EFHB: variants seen among roughly 807,000 people sequenced by gnomAD.
EFHB encodes EF-hand domain-containing family member B.
A neutral mutation model predicts 87.2 loss-of-function variants in EFHB; 91 were observed. The ratio of observed to expected loss-of-function variants is 1.04; its 90% confidence interval spans 0.88 to 1.24. The LOEUF is 1.24. Among genes scored for constraint, EFHB ranks in the 50% most tolerant of loss-of-function variants. The pLI is 0.00. For missense variants in EFHB, 1,084 were observed against 998.8 expected, an observed-to-expected ratio of 1.09 and a Z score of -1.15; for synonymous variants, 325 against 333.6, an observed-to-expected ratio of 0.97 and a Z score of 0.28.
In EFHB at chr3:19,933,443, C is replaced by T; in HGVS notation, c.576G>A (p.Val192=). 2 of 1,614,000 alleles carry T rather than the reference C, an allele frequency of 1.2e-6. No individual in the cohort carries two copies. The highest frequency in any genetic ancestry group is 1.7e-6 in the Non-Finnish European group (2 of 1,179,888). The change falls in exon 1 of 13, where the codon GTG becomes GTA. Residue 192 remains valine (V), a synonymous_variant. Coordinates refer to ENST00000295824, the MANE Select transcript of EFHB (RefSeq NM_144715.4). ...PNTEIKLPVE[V]DIGLTQAEGP... is the part of the protein sequence containing the mutation. ...CCTCGGCTTGGGTTAGTCCAATGTC[C>T]ACCTCCACAGGAAGCTTAATCTCTG... is the stretch of plus-strand genomic sequence containing the variant.
intron 9 of EFHB, among the ~76,000 whole-genome samples, chr3:19,895,148 ATAAT>A (rs1694437562): frequency 6.6e-6 from 1 of 150,692 alleles, no homozygotes; most frequent in African/African-American, 2.4e-5. Flanking sequence ...TCAGCATTAA[ATAAT>A]TCTCAGTAAT....
chr3:19,937,906 T>G (rs910082965), upstream of EFHB, among the ~76,000 whole-genome samples: 1 of 152,184 alleles, frequency 6.6e-6, no homozygotes, highest in African/African-American at 2.4e-5. Context: ...TGTCTCCTCC[T>G]CCCCTGAAGA....
chr3:19,945,694 T>C (rs1362902209), intron 1 of EFHB, among the ~76,000 whole-genome samples: 1 of 152,236 alleles, frequency 6.6e-6, no homozygotes, highest in African/African-American at 2.4e-5. Flanking sequence ...CCATGATTAA[T>C]AGTTCATATT....
chr3:19,894,075 T>C (rs1354930596), intron 9 of EFHB, among the ~76,000 whole-genome samples: 2 of 152,232 alleles, frequency 1.3e-5, no homozygotes, highest in Non-Finnish European at 2.9e-5. Flanking sequence ...TGTCATGAAT[T>C]ACATAGTCTA....
At chr3:19,905,889 AT>A (rs1246845006) in intron 5 of EFHB, 140 bp from the exon 6 acceptor site, 16 of 1,030,618 alleles carry the variant, frequency 1.6e-5, no homozygotes, top group Middle Eastern at 2.9e-4. Context: ...AACTGCACAG[AT>A]TTAGCTACAG....
At chr3:19,907,466 G>T (rs80260195) in intron 5 of EFHB, among the ~76,000 whole-genome samples, 1 of 152,158 alleles carries the variant, frequency 6.6e-6, no homozygotes, top group African/African-American at 2.4e-5. Context: ...ATCAAGGGAG[G>T]TATGGCAATG....
At chr3:19,925,824 A>G (rs1182746058) in intron 1 of EFHB, among the ~76,000 whole-genome samples, 2 of 152,120 alleles carry the variant, frequency 1.3e-5, no homozygotes, top group Non-Finnish European at 2.9e-5. Flanking sequence ...TTCAAACTCA[A>G]TGTGGGTTAG....
upstream of EFHB, among the ~76,000 whole-genome samples, chr3:19,935,289 T>G (rs1337255023): frequency 6.6e-6 from 1 of 152,200 alleles, no homozygotes; most frequent in Non-Finnish European, 1.5e-5. Flanking sequence ...AAACTAAAAC[T>G]TCATTGTTTT....
intron 1 of EFHB, among the ~76,000 whole-genome samples, chr3:19,926,577 A>G (rs1033658513): frequency 3.3e-5 from 5 of 150,954 alleles, no homozygotes. Context: ...GTTAGCCGGG[A>G]TGGTCTCGAT....
At chr3:19,908,589 AGAGAGAGAG>A (rs1559459685) in intron 5 of EFHB, among the ~76,000 whole-genome samples, 104 of 124,010 alleles carry the variant, frequency 8.4e-4, no homozygotes, top group African/African-American at 2.0e-3. Flanking sequence ...AGAGAGAGAG[AGAGAGAGAG>A]AGAAAGAAAG....
chr3:19,880,229 C>CATTTATTT (rs59492875), intron 12 of EFHB, among the ~76,000 whole-genome samples: 10,436 of 147,518 alleles, frequency 0.071, 483 homozygotes, highest in African/African-American at 0.1. Flanking sequence ...ACATTAGTTT[C>CATTTATTT]ATTTATTTAT....
chr3:19,914,892 AC>A (rs1695173405), intron 5 of EFHB, among the ~76,000 whole-genome samples: 2 of 151,996 alleles, frequency 1.3e-5, no homozygotes, highest in African/African-American at 4.8e-5. Flanking sequence ...GAGTTTCAGA[AC>A]AGCGTGGACA....
Position 19,882,559 on chromosome 3 carries a change from T to A in EFHB, c.2319A>T (p.Ser773=), listed in dbSNP as rs2071704276. ...TGCTTATATGCTATACCTCTTCTTTTGATCTGGTCTTGAAGAAGTCTCTTT... is the reference window on the plus strand; with the variant it reads ...TGCTTATATGCTATACCTCTTCTTTAGATCTGGTCTTGAAGAAGTCTCTTT... ...VFERDFFKTR[S]KEEIAEILCN... The change falls in exon 12 of 13, where the codon TCA becomes TCT. Residue 773 remains serine (S), a synonymous_variant. Coordinates refer to ENST00000295824, the MANE Select transcript of EFHB (RefSeq NM_144715.4). 2 of 1,599,576 alleles carry A rather than the reference T, an allele frequency of 1.3e-6. No homozygotes were observed. The highest frequency in any genetic ancestry group is 2.7e-5 in the African/African-American group (2 of 74,802).
intron 1 of EFHB, among the ~76,000 whole-genome samples, chr3:19,921,593 C>T (rs1267096131): frequency 2.0e-5 from 3 of 151,664 alleles, no homozygotes. Flanking sequence ...GCTGGGGGGG[C>T]CAAGATGGGA....
intron 2 of EFHB, among the ~76,000 whole-genome samples, 190 bp from the exon 3 acceptor site, chr3:19,920,166 T>C (rs1695388497): frequency 6.6e-6 from 1 of 152,198 alleles, no homozygotes; most frequent in Non-Finnish European, 1.5e-5. Flanking sequence ...AACATTTTTT[T>C]CCATGACACA....
intron 1 of EFHB, among the ~76,000 whole-genome samples, chr3:19,921,387 T>C (rs1465903394): frequency 6.6e-6 from 1 of 151,946 alleles, no homozygotes; most frequent in Non-Finnish European, 1.5e-5. Context: ...GAAAACTGAA[T>C]TGCTTTGTTA....
At chr3:19,938,826 C>T (rs1328325898), upstream of EFHB, among the ~76,000 whole-genome samples, 1 of 152,172 alleles carries the variant, frequency 6.6e-6, no homozygotes, top group African/African-American at 2.4e-5. Context: ...ACGCTTGCCA[C>T]CTTACTGCGG....
At chr3:19,896,410 G>T in intron 9 of EFHB, 1 of 460,774 alleles carries the variant, frequency 2.2e-6, no homozygotes, top group Middle Eastern at 6.4e-4. Context: ...GTCAGCAAAT[G>T]TCTTCTGTTA....
At chr3:19,934,317 A>ATC (rs144284406), upstream of EFHB, 9,266 of 1,043,234 alleles carry the variant, frequency 8.9e-3, 516 homozygotes, top group African/African-American at 0.16. Flanking sequence ...CTCTCTCTCA[A>ATC]TCTCTCTCTC....
Sources: allele counts gnomAD v4.1 joint callset (sites outside exome capture counted in the v4.1 genomes callset), GRCh38; gene constraint gnomAD v4.1.1; transcripts MANE v1.5; gene names NCBI Gene and HGNC (gene_info 2026-07-23, HGNC 2026-07-21).